PCOLCE2: variants seen among roughly 807,000 people sequenced by gnomAD.
The protein encoded by PCOLCE2 is procollagen C-endopeptidase enhancer 2.
PCOLCE2 carries 42 observed loss-of-function variants against 47.0 expected under a neutral mutation model. That is an observed-to-expected ratio of 0.89 (90% CI 0.70 to 1.16). The LOEUF is 1.16. PCOLCE2 is among the 50% of genes most tolerant of loss of function. The pLI is 0.00. For missense variants in PCOLCE2, 500 were observed against 526.1 expected, an observed-to-expected ratio of 0.95 and a Z score of 0.49; for synonymous variants, 169 against 191.7, an observed-to-expected ratio of 0.88 and a Z score of 0.98.
intron 3 of PCOLCE2, among the ~76,000 whole-genome samples, chr3:142,847,459 C>T (rs1249443766): frequency 2.0e-5 from 3 of 152,128 alleles, no homozygotes; most frequent in African/African-American, 7.2e-5. Context: ...CAAATATTGC[C>T]CACTGCAGTG....
intron 2 of PCOLCE2, among the ~76,000 whole-genome samples, chr3:142,883,401 C>T (rs1933663219): frequency 6.6e-6 from 1 of 151,842 alleles, no homozygotes; most frequent in Non-Finnish European, 1.5e-5. Context: ...TTCACAAGGT[C>T]TTATTTTTGC....
chr3:142,822,304 A>T (rs1578027201), intron 7 of PCOLCE2, among the ~76,000 whole-genome samples: 1 of 152,128 alleles, frequency 6.6e-6, no homozygotes, highest in African/African-American at 2.4e-5. Context: ...GCAGTAATCT[A>T]ACATCTCTAC....
intron 6 of PCOLCE2, chr3:142,827,519 T>G (rs1937096595): frequency 6.7e-7 from 1 of 1,481,744 alleles, no homozygotes; most frequent in Admixed American, 1.7e-5. Flanking sequence ...AGGCTTCTCC[T>G]CCAGGCAGCA....
rs142912303 is a variant in PCOLCE2, at chr3:142,824,679, G to A, written c.866-1064C>T. On this transcript the variant is annotated intron_variant, in intron 6 of 8. Coordinates refer to ENST00000295992, the MANE Select transcript of PCOLCE2 (RefSeq NM_013363.4). ...TTGACATGGAGTCTCTCGCTCTGTC[G>A]CCCAGGCTGGAGTACAATGGTGTGA... 3.4e-3 allele frequency among the ~76,000 whole-genome samples: 515 copies of A among 152,118 alleles called. 9 individuals carry two copies. In the East Asian group the frequency reaches 0.04, roughly 12 times the overall value.
intron 2 of PCOLCE2, among the ~76,000 whole-genome samples, chr3:142,862,123 G>A (rs7641747): frequency 0.12 from 17,554 of 152,130 alleles, 2,174 homozygotes; most frequent in African/African-American, 0.31. Flanking sequence ...CAGGCTGGAG[G>A]GAGAAGGTGG....
chr3:142,850,812 A>ACT (rs3055040), intron 2 of PCOLCE2, among the ~76,000 whole-genome samples: 94,339 of 151,740 alleles, frequency 0.62, 29,682 homozygotes, highest in Non-Finnish European at 0.66. Context: ...TATGGGGGTA[A>ACT]GGAAGGGGAT....
intron 2 of PCOLCE2, among the ~76,000 whole-genome samples, chr3:142,863,096 CAAAAAAAAAA>C (rs35383176): frequency 1.9e-4 from 16 of 85,992 alleles, no homozygotes; most frequent in African/African-American, 6.6e-4. Flanking sequence ...GTCTGGCAGG[CAAAAAAAAAA>C]AAAAAAAAAA....
chr3:142,845,250 T>A (rs1937311685), intron 3 of PCOLCE2, among the ~76,000 whole-genome samples: 1 of 152,208 alleles, frequency 6.6e-6, no homozygotes, highest in African/African-American at 2.4e-5. Flanking sequence ...ATGTTTAAGT[T>A]ATCAAAATTT....
At chr3:142,833,186 T>C (rs1421261483) in intron 5 of PCOLCE2, among the ~76,000 whole-genome samples, 2 of 152,166 alleles carry the variant, frequency 1.3e-5, no homozygotes, top group African/African-American at 4.8e-5. Flanking sequence ...ATTTTTTTTT[T>C]CTTTTTTGTT....
intron 2 of PCOLCE2, among the ~76,000 whole-genome samples, chr3:142,859,582 G>A (rs369060822): frequency 9.4e-5 from 14 of 148,886 alleles, no homozygotes; most frequent in African/African-American, 2.0e-4. Flanking sequence ...TTTTTGAGAC[G>A]AAGTCTCTCT....
At chr3:142,854,564 G>C (rs959298622) in intron 2 of PCOLCE2, among the ~76,000 whole-genome samples, 5 of 152,290 alleles carry the variant, frequency 3.3e-5, no homozygotes, top group Middle Eastern at 3.4e-3. Flanking sequence ...TATTTTGATT[G>C]TAGAAATAAC....
chr3:142,882,082 T>A (rs1933632771), intron 2 of PCOLCE2, among the ~76,000 whole-genome samples: 1 of 151,900 alleles, frequency 6.6e-6, no homozygotes, highest in Non-Finnish European at 1.5e-5. Context: ...CAGGCTGGAG[T>A]GCAGTGGCAC....
chr3:142,825,672 G>A (rs540141253), intron 6 of PCOLCE2, among the ~76,000 whole-genome samples: 2 of 152,086 alleles, frequency 1.3e-5, no homozygotes, highest in African/African-American at 4.8e-5. Flanking sequence ...TCAATATATT[G>A]GCTGCTCTCA....
intron 2 of PCOLCE2, chr3:142,864,518 T>G (rs1351962182): frequency 2.0e-5 from 3 of 152,216 alleles, no homozygotes; most frequent in African/African-American, 7.2e-5. Flanking sequence ...CAAGGTATGA[T>G]TTACAAACCA....
chr3:142,854,629 C>T (rs1365011899), intron 2 of PCOLCE2, among the ~76,000 whole-genome samples: 2 of 152,084 alleles, frequency 1.3e-5, no homozygotes, highest in Non-Finnish European at 2.9e-5. Context: ...AAAAACTTTA[C>T]CCCTGGATGT....
At chr3:142,822,928 T>C (rs1351224521) in intron 7 of PCOLCE2, among the ~76,000 whole-genome samples, 1 of 152,222 alleles carries the variant, frequency 6.6e-6, no homozygotes, top group Non-Finnish European at 1.5e-5. Flanking sequence ...ATAACCAAGA[T>C]AAAATGTTGT....
At position 142,819,437 on chromosome 3, in the gene PCOLCE2, C is replaced by A. The variant is rs540910819; in HGVS notation, c.1118-972G>T. 4.6e-5 allele frequency among the ~76,000 whole-genome samples: 7 copies of A among 152,286 alleles called. No individual in the cohort carries two copies. The South Asian group carries it at 1.4e-3, about 32-fold the overall frequency. On this transcript the variant is annotated intron_variant, in intron 8 of 8. Coordinates refer to ENST00000295992, the MANE Select transcript of PCOLCE2 (RefSeq NM_013363.4). Reference sequence around the variant, plus strand: ...GTCTGTGAGAGCCTGAGAGTCTGGGCAGGTAATGCTGCCTCAAGGCTGAAG... The same window carrying A: ...GTCTGTGAGAGCCTGAGAGTCTGGGAAGGTAATGCTGCCTCAAGGCTGAAG...
intron 5 of PCOLCE2, among the ~76,000 whole-genome samples, chr3:142,830,205 CTG>C (rs1479425378): frequency 2.0e-5 from 3 of 152,308 alleles, no homozygotes; most frequent in East Asian, 3.9e-4. Context: ...ACTCTAGAGA[CTG>C]TGGCAGACGT....
chr3:142,853,315 G>C (rs1223717974), intron 2 of PCOLCE2, among the ~76,000 whole-genome samples: 2 of 151,996 alleles, frequency 1.3e-5, no homozygotes, highest in East Asian at 3.9e-4. Context: ...CTCCCTCCTG[G>C]AGACATGCCT....
Sources: allele counts gnomAD v4.1 joint callset (sites outside exome capture counted in the v4.1 genomes callset), GRCh38; gene constraint gnomAD v4.1.1; transcripts MANE v1.5; gene names NCBI Gene and HGNC (gene_info 2026-07-23, HGNC 2026-07-21).